POPDC2: variants seen among roughly 807,000 people sequenced by gnomAD.
POPDC2 encodes popeye domain-containing protein 2.
Under a neutral mutation model 30.5 loss-of-function variants are expected in POPDC2, and 24 were observed. That is an observed-to-expected ratio of 0.79 (90% CI 0.57 to 1.11). The LOEUF (loss-of-function observed/expected upper bound fraction) is 1.11, where lower values mean the gene tolerates loss of function less well. POPDC2 is among the 50% of genes least tolerant of loss of function. The probability of loss-of-function intolerance (pLI) is 0.00; values close to 1 mark genes in which losing one functional copy is unlikely to be tolerated. For synonymous variants in POPDC2, 185 were observed against 183.3 expected (o/e 1.01, Z -0.07); for missense variants, 409 against 447.0 (o/e 0.91, Z 0.77).
chr3:119,658,682 C>T (rs1294576158), intron 1 of POPDC2, among the ~76,000 whole-genome samples: 1 of 152,212 alleles, frequency 6.6e-6, no homozygotes, highest in East Asian at 1.9e-4. Context: ...TTTACACTTT[C>T]AGTTCACCAA....
In POPDC2 at chr3:119,648,648, G is replaced by T; in HGVS notation, c.621C>A (p.Thr207=). 6.2e-7 allele frequency: 1 copy of T among 1,613,562 alleles called. No homozygotes were observed. Among genetic ancestry groups the T allele is most frequent in the Non-Finnish European group, 8.5e-7 (1 of 1,179,700 alleles). Residue 207 remains threonine, a synonymous_variant, in exon 3 of 4, where the codon ACC becomes ACA. Coordinates refer to ENST00000493094, the MANE Select transcript of POPDC2 (RefSeq NM_001369919.2). ...GVFQVTLTAE[T]SCSYISWPRK... ...GGGGCCAGGAAATGTAGCTACATGAGGTCTCAGCAGTCAGAGTGACCTGAG... is the reference window on the plus strand; with the variant it reads ...GGGGCCAGGAAATGTAGCTACATGATGTCTCAGCAGTCAGAGTGACCTGAG...
Position 119,648,243 on chromosome 3 carries a change from A to G in POPDC2, c.1026T>C (p.Ser342=). The change falls in exon 3 of 4, where the codon AGT becomes AGC. Residue 342 remains serine (S), a synonymous_variant. Coordinates refer to ENST00000493094, the MANE Select transcript of POPDC2 (RefSeq NM_001369919.2). The part of the protein sequence containing the change: ...DSGILGEDST[S]LVLEDFEEVS... ...CCTCCTCAAAATCCTCCAGCACCAG[A>G]CTGGTGGAGTCCTCACCCAGTATGC... 1 of 1,611,340 alleles carries G rather than the reference A, an allele frequency of 6.2e-7. No homozygotes were observed.
rs376750697 is a variant in POPDC2, at chr3:119,654,638, T to C, written c.492-25A>G. ...CCTGGCAAGGGAAGAGAAGAGATCA[T>C]GTGGGAAAAGGAAAATGGCTCTCCA... On this transcript the variant is annotated intron_variant, in intron 1 of 3. Transcript: ENST00000493094. The C allele has an allele frequency of 5.3e-4, 838 of 1,592,778 alleles. 3 individuals are homozygous for C. The highest frequency in any genetic ancestry group is 1.5e-3 in the South Asian group (138 of 90,676).
rs1279723212 is a variant in POPDC2, at chr3:119,654,417, G to T, written c.600+88C>A. 3.3e-6 allele frequency: 3 copies of T among 901,096 alleles called. No homozygotes were observed. In the East Asian group the frequency reaches 7.2e-5, roughly 22 times the overall value. 55.8% of individuals were successfully genotyped at this position (901,096 alleles called of 1,614,324 possible). ...CACACTGGCAGGGGTGCGAAGGACAGATGTAAGAGGGGAAACATGGAGGCA... is the reference window on the plus strand; with the variant it reads ...CACACTGGCAGGGGTGCGAAGGACATATGTAAGAGGGGAAACATGGAGGCA... On this transcript the variant is annotated intron_variant, in intron 2 of 3. Coordinates refer to ENST00000493094, the MANE Select transcript of POPDC2 (RefSeq NM_001369919.2).
chr3:119,656,365 T>C (rs1319110929), intron 1 of POPDC2, among the ~76,000 whole-genome samples: 2 of 152,206 alleles, frequency 1.3e-5, no homozygotes, highest in African/African-American at 2.4e-5. Context: ...AATTATTTGC[T>C]TTAATTTTAT....
intron 2 of POPDC2, among the ~76,000 whole-genome samples, chr3:119,650,103 C>T (rs1158508672): frequency 6.6e-6 from 1 of 152,202 alleles, no homozygotes; most frequent in Non-Finnish European, 1.5e-5. Context: ...CTTAGATGTA[C>T]TTATGAACAA....
At chr3:119,642,823 C>T (rs529204309) in intron 3 of POPDC2, among the ~76,000 whole-genome samples, 10 of 152,138 alleles carry the variant, frequency 6.6e-5, no homozygotes, top group African/African-American at 1.4e-4. Context: ...TTCCTATGAA[C>T]GTTCTATAGA....
intron 3 of POPDC2, among the ~76,000 whole-genome samples, chr3:119,646,875 G>A (rs566774964): frequency 1.3e-5 from 2 of 152,264 alleles, no homozygotes; most frequent in East Asian, 1.9e-4. Context: ...CAGGATGAAC[G>A]AGTAGGAAGG....
At chr3:119,647,117 CTG>C (rs1027726266) in intron 3 of POPDC2, among the ~76,000 whole-genome samples, 1 of 152,134 alleles carries the variant, frequency 6.6e-6, no homozygotes, top group Non-Finnish European at 1.5e-5. Flanking sequence ...TTTATATAAC[CTG>C]TTTTTCAAAA....
At chr3:119,658,057 G>A (rs890842782) in intron 1 of POPDC2, among the ~76,000 whole-genome samples, 6 of 152,214 alleles carry the variant, frequency 3.9e-5, no homozygotes, top group Non-Finnish European at 7.3e-5. Context: ...AGAACAGTGT[G>A]CATGTGAGAT....
intron 3 of POPDC2, among the ~76,000 whole-genome samples, chr3:119,645,338 G>A (rs2052733679): frequency 6.6e-6 from 1 of 152,150 alleles, no homozygotes; most frequent in Admixed American, 6.5e-5. Context: ...CGAGGCGGGC[G>A]GATCACCACG....
chr3:119,653,040 G>A (rs202063090), intron 2 of POPDC2, among the ~76,000 whole-genome samples: 17 of 150,154 alleles, frequency 1.1e-4, no homozygotes, highest in East Asian at 5.9e-4. Context: ...GTGTGTGCGC[G>A]TGTGTGCATG....
chr3:119,647,454 T>C (rs2052758341), intron 3 of POPDC2, among the ~76,000 whole-genome samples: 2 of 152,242 alleles, frequency 1.3e-5, no homozygotes, highest in South Asian at 4.1e-4. Context: ...CCAGGATTTA[T>C]GCACATCCTA....
At chr3:119,660,817 G>C (rs1577175715), upstream of POPDC2, 1 of 174,154 alleles carries the variant, frequency 5.7e-6, no homozygotes, top group East Asian at 1.4e-4. Context: ...AGCACTACAG[G>C]ACTGAAAAGT....
In POPDC2 at chr3:119,642,417, C is replaced by T. The variant is rs367653448; in HGVS notation, c.*188G>A. 246 of 1,236,386 alleles carry T rather than the reference C, an allele frequency of 2.0e-4. 3 individuals are homozygous for T. In the East Asian group the frequency reaches 5.5e-3, roughly 28 times the overall value. The allele number at this position is 1,236,386 out of a possible 1,614,324, so 76.6% of individuals were successfully genotyped here. The stretch of plus-strand genomic sequence containing the variant: ...GGAAAAGAGGCATGCCTATCAGTGG[C>T]CATTCTGTGAACACAGAAGAGAGCT... On this transcript the variant is annotated 3_prime_UTR_variant, in exon 4 of 4. Coordinates refer to ENST00000493094, the MANE Select transcript of POPDC2 (RefSeq NM_001369919.2).
At chr3:119,648,012 A>C in intron 3 of POPDC2, 107 bp downstream of exon 3, 1 of 914,164 alleles carries the variant, frequency 1.1e-6, no homozygotes, top group South Asian at 2.1e-5. Context: ...ACTTTCTGTG[A>C]GTCCTCTAAG....
chr3:119,642,681 T>C, intron 3 of POPDC2, 120 bp from the exon 4 acceptor site: 1 of 637,824 alleles, frequency 1.6e-6, no homozygotes, highest in Non-Finnish European at 2.8e-6. Flanking sequence ...TTAACTGTAC[T>C]CACTGCCTGA....
intron 2 of POPDC2, among the ~76,000 whole-genome samples, chr3:119,653,938 T>C (rs2052846938): frequency 6.6e-6 from 1 of 152,146 alleles, no homozygotes; most frequent in African/African-American, 2.4e-5. Flanking sequence ...CCAGTTAGCA[T>C]AAGTAAAAGG....
At chr3:119,643,538 G>A in intron 3 of POPDC2, 1 of 897,612 alleles carries the variant, frequency 1.1e-6, no homozygotes, top group Non-Finnish European at 1.7e-6. Context: ...CATTTAACTA[G>A]TGCTTCAGAG....
Sources: gnomAD v4.1 joint callset for allele counts (sites outside exome capture counted in the v4.1 genomes callset) on GRCh38, gnomAD v4.1.1 for gene constraint, MANE v1.5 for transcripts, NCBI Gene and HGNC (gene_info 2026-07-23, HGNC 2026-07-21) for gene names.